Variants in DLGAP1 observed in about 807,000 individuals in gnomAD.
DLGAP1 encodes the protein DLG associated protein 1.
Under a neutral mutation model 90.8 loss-of-function variants are expected in DLGAP1, and 11 were observed. That is an observed-to-expected ratio of 0.12 (90% CI 0.08 to 0.20). The LOEUF is 0.20. DLGAP1 is among the 10% of genes least tolerant of loss of function. The pLI is 1.00. For synonymous variants in DLGAP1, 558 were observed against 540.7 expected (o/e 1.03, Z -0.44); for missense variants, 1,050 against 1,333.8 (o/e 0.79, Z 3.31).
At chr18:3,804,000 A>ATATG (rs2066445153) in intron 5 of DLGAP1, among the ~76,000 whole-genome samples, 1 of 95,604 alleles carries the variant, frequency 1.0e-5, no homozygotes, top group African/African-American at 4.3e-5. Context: ...ATATATATAT[A>ATATG]TATAATTTTT....
chr18:4,414,031 C>A (rs2144632457), intron 1 of DLGAP1, among the ~76,000 whole-genome samples: 1 of 152,318 alleles, frequency 6.6e-6, no homozygotes, highest in East Asian at 1.9e-4. Context: ...AGGCTGCATT[C>A]AATGCCAGAC....
intron 3 of DLGAP1, chr18:3,983,133 T>G (rs1356435715): frequency 6.6e-6 from 1 of 152,162 alleles, no homozygotes; most frequent in African/African-American, 2.4e-5. Context: ...TATTTTTCCT[T>G]ATTTGAAATT....
chr18:4,247,528 C>T (rs1159441155), intron 1 of DLGAP1, among the ~76,000 whole-genome samples: 1 of 152,142 alleles, frequency 6.6e-6, no homozygotes, highest in Non-Finnish European at 1.5e-5. Context: ...GTAATCCCAG[C>T]ACTTTCGGAG....
chr18:4,254,717 CA>C (rs2078852984), intron 1 of DLGAP1, among the ~76,000 whole-genome samples: 1 of 152,168 alleles, frequency 6.6e-6, no homozygotes, highest in Admixed American at 6.5e-5. Flanking sequence ...CTAAAGTGAA[CA>C]CATTTCCTTC....
intron 1 of DLGAP1, among the ~76,000 whole-genome samples, chr18:4,186,080 C>A (rs1052141890): frequency 6.6e-6 from 1 of 152,042 alleles, no homozygotes; most frequent in African/African-American, 2.4e-5. Flanking sequence ...TGTATGTCCT[C>A]TTTTGAAAAG....
intron 1 of DLGAP1, among the ~76,000 whole-genome samples, chr18:4,201,744 C>A (rs1424315809): frequency 2.0e-5 from 3 of 152,062 alleles, no homozygotes; most frequent in African/African-American, 7.2e-5. Flanking sequence ...CACTAACCAT[C>A]AGGAAAATCC....
intron 1 of DLGAP1, among the ~76,000 whole-genome samples, chr18:4,267,876 C>G (rs1484081598): frequency 2.0e-5 from 3 of 152,144 alleles, no homozygotes; most frequent in Non-Finnish European, 4.4e-5. Context: ...AGTGAGTGAT[C>G]CATGGGAGTG....
chr18:3,499,333 C>A lies in DLGAP1; in HGVS notation c.2786G>T (p.Arg929Leu). 1.3e-6 allele frequency: 2 copies of A among 1,561,912 alleles called. No homozygotes were observed. The highest frequency in any genetic ancestry group is 1.4e-5 in the African/African-American group (1 of 73,412). Residue 929 changes from arginine to leucine, a missense_variant, in exon 13 of 13, where the codon CGG becomes CTG. Around this residue, in one of 2 missense-constraint regions of DLGAP1, gnomAD observed 565 missense variants for 879.7 expected, o/e 0.64. Transcript: ENST00000315677. The surrounding 1 kb of genome is among the most constrained non-coding windows in gnomAD (Gnocchi z 6.4). ...CTGCGAGCTCTCCAGCGAGCGCTCCCGGATCAGCGGCGCGGGGCCCTTCGC... is the reference window on the plus strand; with the variant it reads ...CTGCGAGCTCTCCAGCGAGCGCTCCAGGATCAGCGGCGCGGGGCCCTTCGC... ...KPAKGPAPLIRERSLESSQRQ... is the reference protein window; with the variant it reads ...KPAKGPAPLILERSLESSQRQ...
intron 5 of DLGAP1, among the ~76,000 whole-genome samples, chr18:3,804,739 G>C (rs577112346): frequency 3.0e-4 from 45 of 152,348 alleles, no homozygotes; most frequent in African/African-American, 9.1e-4. Flanking sequence ...TAGGCATAGA[G>C]GGATTGTGTA....
intron 4 of DLGAP1, among the ~76,000 whole-genome samples, chr18:3,819,133 AC>A (rs2067262911): frequency 6.6e-6 from 1 of 151,404 alleles, no homozygotes; most frequent in Non-Finnish European, 1.5e-5. Flanking sequence ...AACATATAAA[AC>A]CCCGTCTCTA....
At chr18:4,059,950 C>G (rs901621623) in intron 2 of DLGAP1, among the ~76,000 whole-genome samples, 2 of 152,142 alleles carry the variant, frequency 1.3e-5, no homozygotes, top group Admixed American at 6.5e-5. Context: ...TCAGAATACC[C>G]TCCCAGGTAA....
At chr18:3,858,269 T>A (rs1444335327) in intron 4 of DLGAP1, among the ~76,000 whole-genome samples, 1 of 152,118 alleles carries the variant, frequency 6.6e-6, no homozygotes, top group Non-Finnish European at 1.5e-5. Context: ...TCCAGGTGAT[T>A]CTATACTTAA....
At chr18:3,990,140 C>T (rs1174236116) in intron 3 of DLGAP1, among the ~76,000 whole-genome samples, 1 of 152,134 alleles carries the variant, frequency 6.6e-6, no homozygotes, top group Admixed American at 6.5e-5. Flanking sequence ...TGGGTATATA[C>T]CCAAAGGATT....
At chr18:4,133,052 T>C (rs537521056) in intron 2 of DLGAP1, among the ~76,000 whole-genome samples, 1 of 152,266 alleles carries the variant, frequency 6.6e-6, no homozygotes, top group East Asian at 1.9e-4. Flanking sequence ...TTCAGCAAGA[T>C]TTTGTGAGAA....
At chr18:4,185,775 G>A (rs931967911) in intron 1 of DLGAP1, among the ~76,000 whole-genome samples, 1 of 152,096 alleles carries the variant, frequency 6.6e-6, no homozygotes, top group Non-Finnish European at 1.5e-5. Flanking sequence ...ATGGTAGAAC[G>A]ATTTGTATTC....
intron 2 of DLGAP1, among the ~76,000 whole-genome samples, chr18:4,125,067 G>A (rs901743424): frequency 1.3e-5 from 2 of 152,134 alleles, no homozygotes; most frequent in Non-Finnish European, 2.9e-5. Context: ...ATGAAGCTTA[G>A]GTATCAGTAT....
At position 3,580,130 on chromosome 18, in the gene DLGAP1, A is replaced by C. The variant is rs1372054060; in HGVS notation, c.1965+1745T>G. On this transcript the variant is annotated intron_variant, in intron 8 of 12. Transcript: ENST00000315677. ...CACACATTCAATTTAGAGAACAAAA[A>C]TAATAGCTGCTAATAATGTCTACAA... is the stretch of plus-strand genomic sequence containing the variant. 3.6e-6 allele frequency: 4 copies of C among 1,111,752 alleles called. No homozygotes were observed. In the Admixed American group the frequency reaches 5.2e-5, roughly 14 times the overall value. 68.9% of individuals were successfully genotyped at this position (1,111,752 alleles called of 1,614,324 possible).
chr18:4,018,394 G>A (rs530792708), intron 2 of DLGAP1, among the ~76,000 whole-genome samples: 1 of 152,220 alleles, frequency 6.6e-6, no homozygotes, highest in Non-Finnish European at 1.5e-5. Flanking sequence ...GCATGACCTC[G>A]TGTGAGGCAG....
intron 5 of DLGAP1, among the ~76,000 whole-genome samples, chr18:3,783,119 T>C (rs1286840405): frequency 6.6e-6 from 1 of 152,180 alleles, no homozygotes; most frequent in East Asian, 1.9e-4. Flanking sequence ...TCACACCTTC[T>C]AAGACAACTA....
Sources: gnomAD v4.1 joint callset for allele counts (sites outside exome capture counted in the v4.1 genomes callset) on GRCh38, gnomAD v4.1.1 for gene constraint, gnomAD v4.1.1 regional missense constraint, Gnocchi (gnomAD v3.1) non-coding constraint, MANE v1.5 for transcripts, NCBI Gene and HGNC (gene_info 2026-07-23, HGNC 2026-07-21) for gene names.